The following SIPA1 variants were observed in gnomAD, a reference collection of about 807,000 sequenced individuals.
SIPA1 encodes the protein signal-induced proliferation-associated 1, also known as signal-induced proliferation-associated protein 1.
In SIPA1, 51 loss-of-function variants were observed where a neutral mutation model predicts 88.1. The observed-to-expected ratio is 0.58, with a 90% CI of 0.46 to 0.73. SIPA1 has a LOEUF of 0.73. Ranked by LOEUF, SIPA1 falls within the 30% of genes least tolerant of loss-of-function variation. The pLI, the probability that SIPA1 is intolerant of heterozygous loss-of-function variation, is 0.00. For synonymous variants in SIPA1, 681 were observed against 664.8 expected (o/e 1.02, Z -0.37); for missense variants, 1,348 against 1,467.6 (o/e 0.92, Z 1.33).
rs987223977 is a variant in SIPA1, at chr11:65,642,451, C to T, written c.808-12C>T. ...TGTATGCATCCTGAGTGCCCTTACA[C>T]CCCTTCCTCAGCTCCGGACACTCCG... On this transcript the variant is annotated splice_polypyrimidine_tract_variant and intron_variant, in intron 3 of 15. Transcript: ENST00000534313. The surrounding 1 kb of genome is among the most constrained non-coding windows in gnomAD (Gnocchi z 6.5). The T allele has an allele frequency of 2.5e-6, 4 of 1,610,468 alleles. No individual in the cohort carries two copies. Among genetic ancestry groups the T allele is most frequent in the African/African-American group, 1.3e-5 (1 of 74,802 alleles).
chr11:65,648,559 C>T (rs371502985), intron 9 of SIPA1, among the ~76,000 whole-genome samples: 5 of 152,066 alleles, frequency 3.3e-5, no homozygotes, highest in Non-Finnish European at 2.9e-5. Flanking sequence ...CCGGACCGGG[C>T]GCGGTGGCTC....
At chr11:65,647,822 GTC>G (rs1039058920) in intron 9 of SIPA1, among the ~76,000 whole-genome samples, 164 bp downstream of exon 9, 2 of 141,758 alleles carry the variant, frequency 1.4e-5, no homozygotes, top group African/African-American at 5.3e-5. Flanking sequence ...GTCTCTTCCT[GTC>G]TCTGTCTCTC....
Position 65,646,738 on chromosome 11 carries a change from T to G in SIPA1, c.1704T>G (p.Pro568=), listed in dbSNP as rs1024241177. 4.1e-5 allele frequency: 62 copies of G among 1,523,086 alleles called. No individual in the cohort carries two copies. The Admixed American group carries it at 1.1e-3, about 28-fold the overall frequency. The allele number at this position is 1,523,086 out of a possible 1,614,324, so 94.3% of individuals were successfully genotyped here. A position where few individuals can be genotyped will look rare whatever the true frequency, so the allele number is the denominator to read the frequency against. Residue 568 remains proline (P), a synonymous_variant, in exon 8 of 16, where the codon CCT becomes CCG. Coordinates refer to ENST00000534313, the MANE Select transcript of SIPA1 (RefSeq NM_006747.4). The surrounding 1 kb of genome is among the most constrained non-coding windows in gnomAD (Gnocchi z 7.5). ...TGGGTGGGAGGCGCCGGGCGGCCCCTCGGGGCCCAGGCGCCGAGCTGCAGG... is the reference window on the plus strand; with the variant it reads ...TGGGTGGGAGGCGCCGGGCGGCCCCGCGGGGCCCAGGCGCCGAGCTGCAGG... ...PSLGGRRRAA[P]RGPGAELQAA...
In SIPA1 at chr11:65,649,835, A is replaced by G; in HGVS notation, c.2716A>G (p.Thr906Ala). The change falls in exon 12 of 16, where the codon ACC becomes GCC. Residue 906 changes from threonine to alanine, a missense_variant. Thr to Ala is a moderately conservative substitution (Grantham distance 58). This residue lies in a region of SIPA1 where 615 missense variants were observed against 559.8 expected (regional missense o/e 1.10). Coordinates refer to ENST00000534313, the MANE Select transcript of SIPA1 (RefSeq NM_006747.4). Reference sequence around the variant, plus strand: ...GCTGAGGGCCTCCTTTCTGCCACGTACCTTGTCTCTGCGGAACTCCATCAG... The same window carrying G: ...GCTGAGGGCCTCCTTTCTGCCACGTGCCTTGTCTCTGCGGAACTCCATCAG... ...PELRASFLPR[T>A]LSLRNSISRI... is the part of the protein sequence containing the mutation. 1 of 1,613,988 alleles carries G rather than the reference A, an allele frequency of 6.2e-7. No homozygotes were observed. Among genetic ancestry groups the G allele is most frequent in the South Asian group, 1.1e-5 (1 of 91,074 alleles).
Position 65,641,153 on chromosome 11 carries a change from G to T in SIPA1, c.232G>T (p.Ala78Ser), listed in dbSNP as rs368158433. 6.2e-7 allele frequency: 1 copy of T among 1,606,032 alleles called. No homozygotes were observed. Among genetic ancestry groups the T allele is most frequent in the Admixed American group, 1.7e-5 (1 of 60,026 alleles). ...TGCCCGTGCCCACAGCCACGAAGAG[G>T]CCAGCCGACCTGCAGCCACTTCCAC... ...PRARAHSHEE[A>S]SRPAATSTRL... The change falls in exon 2 of 16, where the codon GCC becomes TCC. Residue 78 changes from alanine to serine, a missense_variant. Coordinates refer to ENST00000534313, the MANE Select transcript of SIPA1 (RefSeq NM_006747.4).
intron 5 of SIPA1, 54 bp from the exon 6 acceptor site, chr11:65,645,800 C>A (rs1396950803): frequency 1.5e-6 from 2 of 1,336,258 alleles, no homozygotes; most frequent in East Asian, 4.9e-5. Flanking sequence ...CAAGTTCAAG[C>A]CACTTAGATT....
chr11:65,647,335 CG>C, intron 8 of SIPA1, 48 bp from the exon 9 acceptor site: 1 of 1,369,518 alleles, frequency 7.3e-7, no homozygotes, highest in Middle Eastern at 2.7e-4. Flanking sequence ...GGCGCTGGGG[CG>C]GCCCCACCTC....
At position 65,645,879 on chromosome 11, in the gene SIPA1, C is replaced by G. The variant is rs1165587255; in HGVS notation, c.1185C>G (p.Leu395=). The G allele has an allele frequency of 2.2e-5, 35 of 1,613,618 alleles. No homozygotes were observed. The highest frequency in any genetic ancestry group is 2.9e-5 in the Non-Finnish European group (34 of 1,179,716). Residue 395 remains leucine (L), a synonymous_variant, in exon 6 of 16, where the codon CTC becomes CTG. Coordinates refer to ENST00000534313, the MANE Select transcript of SIPA1 (RefSeq NM_006747.4). ...CGGATTCCACAGGCACGCACTCCCTCTACACCACATACCAGGACCACGAGA... is the reference window on the plus strand; with the variant it reads ...CGGATTCCACAGGCACGCACTCCCTGTACACCACATACCAGGACCACGAGA... ...TKTDSTGTHS[L]YTTYQDHEIM... is the part of the protein sequence containing the mutation.
In SIPA1 at chr11:65,646,106, G is replaced by A; in HGVS notation, c.1264-115G>A. 7.3e-7 allele frequency: 1 copy of A among 1,372,220 alleles called. No homozygotes were observed. Among genetic ancestry groups the A allele is most frequent in the Non-Finnish European group, 1.0e-6 (1 of 984,468 alleles). 85.0% of individuals were successfully genotyped at this position (1,372,220 alleles called of 1,614,324 possible). ...CTTCCCAAAGACAGAAACACCCTAG[G>A]TCTTCACCAGGGGCAGTGGGGGAGC... On this transcript the variant is annotated intron_variant, in intron 6 of 15. Coordinates refer to ENST00000534313, the MANE Select transcript of SIPA1 (RefSeq NM_006747.4). The surrounding 1 kb of genome is among the most constrained non-coding windows in gnomAD (Gnocchi z 7.5).
Position 65,646,791 on chromosome 11 carries a change from G to C in SIPA1, c.1757G>C (p.Arg586Pro). 2 of 1,313,322 alleles carry C rather than the reference G, an allele frequency of 1.5e-6. No homozygotes were observed. Among genetic ancestry groups the C allele is most frequent in the Non-Finnish European group, 9.7e-7 (1 of 1,034,980 alleles). 81.4% of individuals were successfully genotyped at this position (1,313,322 alleles called of 1,614,324 possible). A position where few individuals can be genotyped will look rare whatever the true frequency, so the allele number is the denominator to read the frequency against. Residue 586 changes from arginine to proline, a missense_variant, in exon 8 of 16, where the codon CGC (arginine) becomes CCC (proline). Arg to Pro is a moderately radical substitution (Grantham distance 103). Around this residue, in one of 4 missense-constraint regions of SIPA1, gnomAD observed 68 missense variants for 59.0 expected, o/e 1.15. Coordinates refer to ENST00000534313, the MANE Select transcript of SIPA1 (RefSeq NM_006747.4). The surrounding 1 kb of genome is among the most constrained non-coding windows in gnomAD (Gnocchi z 7.5). ...QAAGSLVWGVRAAPGARVAAG... is the reference protein window; with the variant it reads ...QAAGSLVWGVPAAPGARVAAG... ...GCGGGCTCACTGGTGTGGGGAGTGC[G>C]CGCGGCGCCCGGGGCGCGGGTCGCC...
chr11:65,641,216 C>T lies in SIPA1; in HGVS notation c.295C>T (p.Pro99Ser). 1 of 1,612,736 alleles carries T rather than the reference C, an allele frequency of 6.2e-7. No individual in the cohort carries two copies. The highest frequency in any genetic ancestry group is 8.5e-7 in the Non-Finnish European group (1 of 1,180,006). ...FTDPLALLGL[P>S]AEEPEPAFPP... is the part of the protein sequence containing the mutation. Reference sequence around the variant, plus strand: ...TGACCCGCTGGCACTGCTGGGGCTGCCAGCAGAGGAACCAGAGCCTGCCTT... The same window carrying T: ...TGACCCGCTGGCACTGCTGGGGCTGTCAGCAGAGGAACCAGAGCCTGCCTT... Residue 99 changes from proline (P) to serine (S), a missense_variant, in exon 2 of 16, where the codon CCA becomes TCA. Physicochemically the swap from Pro to Ser is moderately conservative, Grantham distance 74 (BLOSUM62 -1). Transcript: ENST00000534313.
Position 65,649,299 on chromosome 11 carries a change from C to T in SIPA1, c.2344C>T (p.Pro782Ser), listed in dbSNP as rs1343526277. 7 of 1,553,388 alleles carry T rather than the reference C, an allele frequency of 4.5e-6. No homozygotes were observed. The highest frequency in any genetic ancestry group is 6.1e-6 in the Non-Finnish European group (7 of 1,147,882). The change falls in exon 10 of 16, where the codon CCT becomes TCT. Residue 782 changes from proline to serine, a missense_variant. By Grantham distance (74) the Pro-to-Ser change is moderately conservative. Around this residue, in one of 4 missense-constraint regions of SIPA1, gnomAD observed 615 missense variants for 559.8 expected, o/e 1.10. Coordinates refer to ENST00000534313, the MANE Select transcript of SIPA1 (RefSeq NM_006747.4). ...GCTGTACACGCTGTCGCTGCAGGAG[C>T]CTAGCCGGCGGGGGGCCCCAGATCC... Reference protein sequence around the residue: ...SELYTLSLQEPSRRGAPDPVQ... With the variant: ...SELYTLSLQESSRRGAPDPVQ...
intron 5 of SIPA1, among the ~76,000 whole-genome samples, chr11:65,645,555 C>T (rs1392811548): frequency 6.6e-6 from 1 of 152,128 alleles, no homozygotes; most frequent in Non-Finnish European, 1.5e-5. Flanking sequence ...TCCTAGGACA[C>T]CTGACCCTGC....
In SIPA1 at chr11:65,649,342, A is replaced by G. The variant is rs1298803568; in HGVS notation, c.2387A>G (p.Gln796Arg). 1.3e-6 allele frequency: 2 copies of G among 1,561,672 alleles called. No individual in the cohort carries two copies. The highest frequency in any genetic ancestry group is 1.7e-6 in the Non-Finnish European group (2 of 1,152,950). ...GAPDPVQDEV[Q>R]GVTLLPTTKQ... The stretch of plus-strand genomic sequence containing the variant: ...CCAGATCCTGTGCAGGATGAGGTCC[A>G]GGGGGTGACCCTGCTGCCCACCACA... The change falls in exon 10 of 16, where the codon CAG (glutamine) becomes CGG (arginine). Residue 796 changes from glutamine (Q) to arginine (R), a missense_variant. By Grantham distance (43) the Gln-to-Arg change is conservative. Coordinates refer to ENST00000534313, the MANE Select transcript of SIPA1 (RefSeq NM_006747.4).
chr11:65,646,591 C>T lies in SIPA1; in HGVS notation c.1557C>T (p.Gly519=). The T allele has an allele frequency of 1.3e-6, 2 of 1,544,392 alleles. No individual in the cohort carries two copies. Among genetic ancestry groups the T allele is most frequent in the Non-Finnish European group, 1.7e-6 (2 of 1,150,208 alleles). ...CGCTGAATGGTGAGCAGGCGGCCGG[C>T]CACGCGCGCCAGTTCCACGCCATGG... ...AKALNGEQAA[G]HARQFHAMAT... is the part of the protein sequence containing the mutation. The change falls in exon 8 of 16, where the codon GGC becomes GGT. Residue 519 remains glycine (G), a synonymous_variant. Coordinates refer to ENST00000534313, the MANE Select transcript of SIPA1 (RefSeq NM_006747.4). This position sits in a 1 kb window ranked among gnomAD's most constrained non-coding sequence, Gnocchi z 7.5.
chr11:65,646,944 T>C lies in SIPA1; in HGVS notation c.1910T>C (p.Val637Ala). Residue 637 changes from valine to alanine, a missense_variant, in exon 8 of 16, where the codon GTG (valine) becomes GCG (alanine). Val to Ala is a moderately conservative substitution (Grantham distance 64, BLOSUM62 0). This residue lies in a region of SIPA1 where 615 missense variants were observed against 559.8 expected (regional missense o/e 1.10). Transcript: ENST00000534313. This position sits in a 1 kb window ranked among gnomAD's most constrained non-coding sequence, Gnocchi z 7.5. Reference protein sequence around the residue: ...RVVFNCACRDVLAWTFSEQQL... With the variant: ...RVVFNCACRDALAWTFSEQQL... ...GTGTTCAATTGCGCCTGTCGCGACGTGCTGGCCTGGACCTTCTCCGAGCAG... is the reference window on the plus strand; with the variant it reads ...GTGTTCAATTGCGCCTGTCGCGACGCGCTGGCCTGGACCTTCTCCGAGCAG... The C allele has an allele frequency of 1.3e-6, 2 of 1,537,846 alleles. No individual in the cohort carries two copies. Among genetic ancestry groups the C allele is most frequent in the Non-Finnish European group, 1.7e-6 (2 of 1,147,452 alleles).
rs1425718349 is a variant in SIPA1, at chr11:65,649,364, C to G, written c.2409C>G (p.Thr803=). 1 of 1,567,486 alleles carries G rather than the reference C, an allele frequency of 6.4e-7. No homozygotes were observed. Among genetic ancestry groups the G allele is most frequent in the Non-Finnish European group, 8.7e-7 (1 of 1,155,948 alleles). The change falls in exon 10 of 16, where the codon ACC becomes ACG. Residue 803 remains threonine (T), a synonymous_variant. Coordinates refer to ENST00000534313, the MANE Select transcript of SIPA1 (RefSeq NM_006747.4). ...TCCAGGGGGTGACCCTGCTGCCCAC[C>G]ACAAAGCAGCTGCTGCACCTGTGCC... ...DEVQGVTLLP[T]TKQLLHLCLQ...
Position 65,642,418 on chromosome 11 carries a change from C to T in SIPA1, c.807+41C>T, listed in dbSNP as rs779461550. 1.8e-5 allele frequency: 28 copies of T among 1,596,400 alleles called. No homozygotes were observed. The highest frequency in any genetic ancestry group is 4.5e-5 in the South Asian group (4 of 89,690). ...GGGATCAGGACGTGGGTTGCCTCCC[C>T]GACACCTTGTATGCATCCTGAGTGC... On this transcript the variant is annotated intron_variant, in intron 3 of 15. Transcript: ENST00000534313. The surrounding 1 kb of genome is among the most constrained non-coding windows in gnomAD (Gnocchi z 6.5).
Position 65,640,948 on chromosome 11 carries a change from G to C in SIPA1, c.27G>C (p.Gly9=). 1 of 1,541,554 alleles carries C rather than the reference G, an allele frequency of 6.5e-7. No homozygotes were observed. The highest frequency in any genetic ancestry group is 8.7e-7 in the Non-Finnish European group (1 of 1,152,810). The change falls in exon 2 of 16, where the codon GGG becomes GGC. Residue 9 remains glycine (G), a synonymous_variant. Transcript: ENST00000534313. ...TGCCCATGTGGGCCGGCGGTGTGGG[G>C]AGCCCTCGGCGGGGCATGGCCCCTG... MPMWAGGV[G]SPRRGMAPAS... is the part of the protein sequence containing the mutation.
Sources: allele counts gnomAD v4.1 joint callset (sites outside exome capture counted in the v4.1 genomes callset), GRCh38; gene constraint gnomAD v4.1.1; regional missense constraint gnomAD v4.1.1; non-coding constraint Gnocchi (gnomAD v3.1); transcripts MANE v1.5; gene names NCBI Gene and HGNC (gene_info 2026-07-23, HGNC 2026-07-21).